The following CPNE4 variants were observed in gnomAD, a reference collection of about 807,000 sequenced individuals.
CPNE4 encodes the protein copine-4.
Under a neutral mutation model 67.9 loss-of-function variants are expected in CPNE4, and 25 were observed. The observed-to-expected ratio is 0.37, with a 90% CI of 0.27 to 0.51. The LOEUF (loss-of-function observed/expected upper bound fraction) is 0.51. Ranked by LOEUF, CPNE4 falls within the 20% of genes least tolerant of loss-of-function variation. The pLI is 0.93. For synonymous variants in CPNE4, 242 were observed against 244.9 expected (o/e 0.99, Z 0.11); for missense variants, 464 against 690.8 (o/e 0.67, Z 3.68).
intron 1 of CPNE4, among the ~76,000 whole-genome samples, chr3:131,912,695 C>G (rs2089025790): frequency 6.6e-6 from 1 of 152,150 alleles, no homozygotes; most frequent in African/African-American, 2.4e-5. Context: ...AGGTGGCAAG[C>G]ACTGTGCTGG....
At chr3:131,940,199 C>T (rs2071345717) in intron 1 of CPNE4, among the ~76,000 whole-genome samples, 2 of 152,106 alleles carry the variant, frequency 1.3e-5, no homozygotes, top group South Asian at 4.1e-4. Context: ...CAGGTTTGTG[C>T]ATTTAATGAA....
chr3:131,879,671 G>A (rs1416407839), intron 2 of CPNE4, among the ~76,000 whole-genome samples: 1 of 152,096 alleles, frequency 6.6e-6, no homozygotes. Context: ...TTTAAAAATA[G>A]AAGAGATATT....
At chr3:131,985,777 T>A (rs562681916) in intron 1 of CPNE4, 19 of 153,822 alleles carry the variant, frequency 1.2e-4, no homozygotes, top group African/African-American at 2.9e-4. Context: ...TTAAGTGAGA[T>A]GCTGTAATAA....
Position 131,936,131 on chromosome 3 carries a change from A to T in CPNE4, c.-1-30687T>A, listed in dbSNP as rs562761028. Reference sequence around the variant, plus strand: ...GAAAATCATATAAAAGTAATAAACAATTTTTTAAAAACTCAAACTCCATTT... The same window carrying T: ...GAAAATCATATAAAAGTAATAAACATTTTTTTAAAAACTCAAACTCCATTT... On this transcript the variant is annotated intron_variant, in intron 1 of 15. Transcript: ENST00000429747. Among the ~76,000 whole-genome samples, 144 of 151,846 alleles carry T rather than the reference A, an allele frequency of 9.5e-4. 2 individuals carry two copies. The South Asian group carries it at 0.029, about 30-fold the overall frequency.
chr3:131,575,823 C>T (rs1937534855), intron 9 of CPNE4, among the ~76,000 whole-genome samples: 1 of 152,116 alleles, frequency 6.6e-6, no homozygotes, highest in Non-Finnish European at 1.5e-5. Context: ...GTTACATACT[C>T]TGTCCTTTTG....
chr3:131,953,291 T>C (rs1686300938), intron 1 of CPNE4, among the ~76,000 whole-genome samples: 1 of 150,830 alleles, frequency 6.6e-6, no homozygotes, highest in South Asian at 2.1e-4. Context: ...GGCATCCTTG[T>C]CTTTTTCCAG....
intron 7 of CPNE4, among the ~76,000 whole-genome samples, chr3:131,638,394 C>T (rs1672708870): frequency 6.6e-6 from 1 of 151,894 alleles, no homozygotes; most frequent in African/African-American, 2.4e-5. Context: ...AATAGCTAAA[C>T]TTGAAAGCAG....
At chr3:131,888,938 G>C (rs183238928) in intron 2 of CPNE4, among the ~76,000 whole-genome samples, 9 of 152,222 alleles carry the variant, frequency 5.9e-5, no homozygotes, top group African/African-American at 2.2e-4. Flanking sequence ...TTGGCCAGCA[G>C]ACCAAAAGCT....
intron 9 of CPNE4, among the ~76,000 whole-genome samples, chr3:131,579,011 T>C (rs1000475231): frequency 6.6e-6 from 1 of 151,532 alleles, no homozygotes; most frequent in Non-Finnish European, 1.5e-5. Context: ...ATTTTCATTG[T>C]AGAACAAGGA....
intron 2 of CPNE4, among the ~76,000 whole-genome samples, chr3:131,732,969 T>G (rs1016413654): frequency 2.0e-5 from 3 of 152,214 alleles, no homozygotes; most frequent in Admixed American, 2.0e-4. Context: ...CAATGGATCA[T>G]AAGGAGCATT....
intron 7 of CPNE4, among the ~76,000 whole-genome samples, chr3:131,597,575 T>C (rs1274326136): frequency 6.6e-6 from 1 of 152,228 alleles, no homozygotes; most frequent in East Asian, 1.9e-4. Flanking sequence ...CTGTCCAAAC[T>C]GTGATCATCA....
chr3:132,009,893 C>T (rs2073707665), intron 1 of CPNE4, among the ~76,000 whole-genome samples: 2 of 152,216 alleles, frequency 1.3e-5, no homozygotes, highest in Non-Finnish European at 2.9e-5. Flanking sequence ...TGCTACTAAA[C>T]TTCCTATAAT....
intron 14 of CPNE4, among the ~76,000 whole-genome samples, chr3:131,543,305 T>C (rs1935628714): frequency 6.6e-6 from 1 of 152,256 alleles, no homozygotes; most frequent in Non-Finnish European, 1.5e-5. Flanking sequence ...TTTTATTTAA[T>C]TGTAATGAAT....
intron 7 of CPNE4, among the ~76,000 whole-genome samples, chr3:131,657,056 A>T (rs1235294018): frequency 6.6e-6 from 1 of 152,206 alleles, no homozygotes; most frequent in Non-Finnish European, 1.5e-5. Context: ...ATTATTTAAC[A>T]GGCCCATCCA....
chr3:131,563,240 A>G (rs7637123), intron 11 of CPNE4, among the ~76,000 whole-genome samples: 17,171 of 152,004 alleles, frequency 0.11, 2,124 homozygotes, highest in African/African-American at 0.31. Flanking sequence ...GGATGGAGTT[A>G]CTTTCTTTAT....
At chr3:131,966,434 C>A (rs919480178) in intron 1 of CPNE4, among the ~76,000 whole-genome samples, 1 of 152,120 alleles carries the variant, frequency 6.6e-6, no homozygotes, top group Admixed American at 6.6e-5. Flanking sequence ...AATCCAGGAG[C>A]TGGTTTTTTG....
chr3:131,846,192 G>C (rs1416852379), intron 2 of CPNE4, among the ~76,000 whole-genome samples: 1 of 152,132 alleles, frequency 6.6e-6, no homozygotes, highest in East Asian at 1.9e-4. Flanking sequence ...TTATTGTAAT[G>C]AGTTAATACA....
In CPNE4 at chr3:131,588,176, A is replaced by G. The variant is rs1187900001; in HGVS notation, c.682-594T>C. Among the ~76,000 whole-genome samples the G allele has an allele frequency of 1.1e-4, 16 of 152,344 alleles. 2 individuals are homozygous for G. Among genetic ancestry groups the G allele is most frequent in the Admixed American group, 8.5e-4 (13 of 15,298 alleles). On this transcript the variant is annotated intron_variant, in intron 7 of 15. Coordinates refer to ENST00000429747, the MANE Select transcript of CPNE4 (RefSeq NM_130808.3). ...ATGGTTGGAAAATAGTGCACAGACAATACCAGATATTTACCACACTGGTAA... is the reference window on the plus strand; with the variant it reads ...ATGGTTGGAAAATAGTGCACAGACAGTACCAGATATTTACCACACTGGTAA...
intron 2 of CPNE4, among the ~76,000 whole-genome samples, chr3:131,773,628 G>A (rs371567490): frequency 2.6e-5 from 4 of 151,950 alleles, no homozygotes; most frequent in African/African-American, 4.8e-5. Flanking sequence ...GATTACAAGC[G>A]TGAGCCACTG....
Sources: gnomAD v4.1 joint callset for allele counts (sites outside exome capture counted in the v4.1 genomes callset) on GRCh38, gnomAD v4.1.1 for gene constraint, MANE v1.5 for transcripts, NCBI Gene and HGNC (gene_info 2026-07-23, HGNC 2026-07-21) for gene names.